Variants in NPAS2 observed in about 807,000 individuals in gnomAD.
The protein encoded by NPAS2 is neuronal PAS domain-containing protein 2.
NPAS2 carries 23 observed loss-of-function variants against 107.5 expected under a neutral mutation model. That is an observed-to-expected ratio of 0.21 (90% CI 0.15 to 0.30). NPAS2 has a LOEUF of 0.30. NPAS2 is among the 10% of genes least tolerant of loss of function. The pLI is 1.00. For missense variants in NPAS2, 756 were observed against 1,043.3 expected (o/e 0.72, Z 3.79); for synonymous variants, 403 against 417.5 (o/e 0.97, Z 0.42).
intron 2 of NPAS2, among the ~76,000 whole-genome samples, chr2:100,912,255 T>TATTA (rs779697497): frequency 1.7e-4 from 13 of 76,566 alleles, no homozygotes; most frequent in South Asian, 9.4e-4. Context: ...TTTATTTATT[T>TATTA]ATTATTATTA....
At chr2:100,921,594 T>A (rs946338047) in intron 2 of NPAS2, among the ~76,000 whole-genome samples, 10 of 152,018 alleles carry the variant, frequency 6.6e-5, no homozygotes, top group African/African-American at 2.4e-4. Flanking sequence ...ACAGCCCAAC[T>A]GGAAAATAGG....
At chr2:100,978,024 C>T (rs937168880) in intron 15 of NPAS2, among the ~76,000 whole-genome samples, 2 of 151,772 alleles carry the variant, frequency 1.3e-5, no homozygotes, top group African/African-American at 2.4e-5. Context: ...TTTTAAATTT[C>T]AGTAGTTTTG....
At chr2:100,926,604 T>A (rs1408936379) in intron 3 of NPAS2, among the ~76,000 whole-genome samples, 1 of 152,212 alleles carries the variant, frequency 6.6e-6, no homozygotes, top group Non-Finnish European at 1.5e-5. Flanking sequence ...TTTGGAGAGA[T>A]GTCCAAATCC....
intron 1 of NPAS2, among the ~76,000 whole-genome samples, chr2:100,869,603 T>C (rs1012552481): frequency 2.0e-5 from 3 of 152,220 alleles, no homozygotes; most frequent in Non-Finnish European, 2.9e-5. Context: ...AACTTTCTCC[T>C]TGGCATTGAA....
chr2:100,821,391 G>A (rs1676061280), intron 1 of NPAS2, among the ~76,000 whole-genome samples: 2 of 152,012 alleles, frequency 1.3e-5, no homozygotes, highest in Non-Finnish European at 2.9e-5. Flanking sequence ...GAGGGTCCCG[G>A]AGAGGAGTTT....
intron 1 of NPAS2, among the ~76,000 whole-genome samples, chr2:100,855,996 C>T (rs1428954578): frequency 3.9e-5 from 6 of 152,162 alleles, no homozygotes; most frequent in Non-Finnish European, 7.3e-5. Flanking sequence ...GAAATAACCC[C>T]CCTCCCTCCA....
At chr2:100,907,527 T>C (rs1682244327) in intron 2 of NPAS2, among the ~76,000 whole-genome samples, 2 of 118,122 alleles carry the variant, frequency 1.7e-5, no homozygotes, top group African/African-American at 5.9e-5. Flanking sequence ...CACACACCCC[T>C]AAGATCGTAT....
intron 1 of NPAS2, among the ~76,000 whole-genome samples, chr2:100,882,024 G>A (rs948802808): frequency 6.6e-6 from 1 of 152,254 alleles, no homozygotes; most frequent in Admixed American, 6.5e-5. Flanking sequence ...GCCTCAGCTT[G>A]GAGCCTGATG....
intron 1 of NPAS2, among the ~76,000 whole-genome samples, chr2:100,900,310 G>C (rs1252443047): frequency 6.6e-6 from 1 of 152,118 alleles, no homozygotes; most frequent in African/African-American, 2.4e-5. Flanking sequence ...TACAAAAGAA[G>C]ATATCTAAAT....
intron 19 of NPAS2, among the ~76,000 whole-genome samples, chr2:100,991,684 C>T (rs56405342): frequency 0.099 from 15,016 of 152,244 alleles, 900 homozygotes; most frequent in Non-Finnish European, 0.13. Context: ...TCTGTATGTT[C>T]ATTATTTAAT....
At chr2:100,961,393 A>G (rs937603193) in intron 7 of NPAS2, among the ~76,000 whole-genome samples, 3 of 152,130 alleles carry the variant, frequency 2.0e-5, no homozygotes, top group Non-Finnish European at 4.4e-5. Context: ...GGCCTCTATT[A>G]AAGCATTCAT....
chr2:100,931,601 C>G (rs973208337), intron 3 of NPAS2, among the ~76,000 whole-genome samples: 2 of 150,648 alleles, frequency 1.3e-5, no homozygotes, highest in African/African-American at 2.4e-5. Context: ...ATTCTCCTGC[C>G]TCAGCCTCCT....
intron 1 of NPAS2, among the ~76,000 whole-genome samples, chr2:100,874,074 G>A: frequency 6.6e-6 from 1 of 151,692 alleles, no homozygotes. Flanking sequence ...TTCACCACCT[G>A]GGTTCGAGCC....
intron 14 of NPAS2, among the ~76,000 whole-genome samples, chr2:100,975,935 G>A (rs1035610077): frequency 3.9e-5 from 6 of 152,082 alleles, no homozygotes; most frequent in African/African-American, 1.4e-4. Flanking sequence ...GCAGCTCAGT[G>A]TCAACAAAAA....
chr2:100,845,723 C>T (rs1273554085), intron 1 of NPAS2, among the ~76,000 whole-genome samples: 2 of 152,198 alleles, frequency 1.3e-5, no homozygotes, highest in East Asian at 1.9e-4. Flanking sequence ...CAGAGAACTG[C>T]TTCTCTGAGA....
intron 3 of NPAS2, among the ~76,000 whole-genome samples, chr2:100,928,559 C>T (rs568319447): frequency 7.6e-4 from 115 of 152,262 alleles, no homozygotes; most frequent in African/African-American, 2.6e-3. Flanking sequence ...TGCTTCAGCT[C>T]GCCTTTTTCA....
intron 1 of NPAS2, among the ~76,000 whole-genome samples, chr2:100,887,480 C>T (rs765523585): frequency 3.9e-5 from 6 of 152,152 alleles, no homozygotes; most frequent in African/African-American, 9.7e-5. Context: ...GGGGAGAGGA[C>T]GTCATGCAGG....
chr2:100,883,861 C>T lies in NPAS2; in HGVS notation c.-22-20872C>T, dbSNP rs1680534559. 2.0e-5 allele frequency among the ~76,000 whole-genome samples: 3 copies of T among 152,130 alleles called. No individual in the cohort carries two copies. The South Asian group carries it at 6.2e-4, about 32-fold the overall frequency. On this transcript the variant is annotated intron_variant, in intron 1 of 20. Coordinates refer to ENST00000335681, the MANE Select transcript of NPAS2 (RefSeq NM_002518.4). Reference sequence around the variant, plus strand: ...GCCACCTACCTGGTCAGTGATGGATCAGCACCACAGTTCCCATCTTCTCAT... The same window carrying T: ...GCCACCTACCTGGTCAGTGATGGATTAGCACCACAGTTCCCATCTTCTCAT...
At chr2:100,915,969 G>A (rs1682855200) in intron 2 of NPAS2, among the ~76,000 whole-genome samples, 1 of 151,914 alleles carries the variant, frequency 6.6e-6, no homozygotes, top group Admixed American at 6.6e-5. Flanking sequence ...GAAGGTAGAG[G>A]GGGCTATATA....
Sources: gnomAD v4.1 joint callset for allele counts (sites outside exome capture counted in the v4.1 genomes callset) on GRCh38, gnomAD v4.1.1 for gene constraint, MANE v1.5 for transcripts, NCBI Gene and HGNC (gene_info 2026-07-23, HGNC 2026-07-21) for gene names.